PCDHGB1: variants seen among roughly 807,000 people sequenced by gnomAD.
PCDHGB1 encodes the protein protocadherin gamma subfamily B, 1.
PCDHGB1 carries 34 observed loss-of-function variants against 56.6 expected under a neutral mutation model. That is an observed-to-expected ratio of 0.60 (90% CI 0.46 to 0.80). The LOEUF is 0.80. PCDHGB1 is among the 30% of genes least tolerant of loss of function. The probability of loss-of-function intolerance (pLI) is 0.00; values close to 1 mark genes in which losing one functional copy is unlikely to be tolerated. For synonymous variants in PCDHGB1, 561 were observed against 505.9 expected, an observed-to-expected ratio of 1.11 and a Z score of -1.46; for missense variants, 1,278 against 1,204.6, an observed-to-expected ratio of 1.06 and a Z score of -0.90.
chr5:141,495,010 G>A (rs1327870362), intron 2 of PCDHGB1, 145 bp downstream of exon 2: 6 of 1,516,970 alleles, frequency 4.0e-6, no homozygotes, highest in Non-Finnish European at 5.3e-6. Context: ...GTGTGCGGGG[G>A]GCTGGCACAC....
intron 1 of PCDHGB1, chr5:141,413,903 C>T (rs1038159413): frequency 2.5e-6 from 4 of 1,613,308 alleles, no homozygotes; most frequent in Non-Finnish European, 3.4e-6. Flanking sequence ...AATGACAACG[C>T]GCCGGTCTTC....
chr5:141,450,948 C>T (rs1250110393), intron 1 of PCDHGB1, among the ~76,000 whole-genome samples: 2 of 151,870 alleles, frequency 1.3e-5, no homozygotes, highest in East Asian at 3.9e-4. Flanking sequence ...CCTCAGCCTC[C>T]CAAGTAGCTG....
rs1771007417 is a variant in PCDHGB1, at chr5:141,374,980, A to G, written c.2409+22311A>G. ...TTTTCTGTTTGAATGTTTTGACTGG[A>G]GAAATTTCAACTTCTGCAAATCTAG... On this transcript the variant is annotated intron_variant, in intron 1 of 3. Transcript: ENST00000523390. 3 of 1,613,920 alleles carry G rather than the reference A, an allele frequency of 1.9e-6. No homozygotes were observed. The Admixed American group carries it at 5.0e-5, about 27-fold the overall frequency.
chr5:141,369,893 A>T (rs956763780), intron 1 of PCDHGB1, among the ~76,000 whole-genome samples: 1 of 152,230 alleles, frequency 6.6e-6, no homozygotes, highest in Non-Finnish European at 1.5e-5. Context: ...AGATATTATT[A>T]TGACCATTTT....
rs774079222 is a variant in PCDHGB1, at chr5:141,491,314, C to G, written c.2410-3493C>G. On this transcript the variant is annotated intron_variant, in intron 1 of 3. Transcript: ENST00000523390. The surrounding 1 kb of genome is among the most constrained non-coding windows in gnomAD (Gnocchi z 6.9). ...CCCTCCTGAGCGTTCAGACCTTACC[C>G]TTTACCTCATTGTGGCTCTAGCGAC... is the stretch of plus-strand genomic sequence containing the variant. 6 of 1,614,064 alleles carry G rather than the reference C, an allele frequency of 3.7e-6. No individual in the cohort carries two copies. In the South Asian group the frequency reaches 5.5e-5, roughly 15 times the overall value.
chr5:141,410,329 G>A, intron 1 of PCDHGB1: 4 of 1,613,982 alleles, frequency 2.5e-6, no homozygotes, highest in Non-Finnish European at 3.4e-6. Flanking sequence ...CCGTGATTCT[G>A]GCCATTGCCT....
chr5:141,418,781 G>C, intron 1 of PCDHGB1: 1 of 1,613,716 alleles, frequency 6.2e-7, no homozygotes, highest in African/African-American at 1.3e-5. Context: ...GCAGCCTTTG[G>C]ATTTTGAAGA....
Position 141,512,423 on chromosome 5 carries a change from T to C in PCDHGB1, c.*1250T>C, listed in dbSNP as rs2099884220. ...GATGGGGCTTCTTCAACAGGGCCCC[T>C]GCCCTCCTGAAGCCTCAGTCCTTCA... is the stretch of plus-strand genomic sequence containing the variant. On this transcript the variant is annotated 3_prime_UTR_variant, in exon 4 of 4. Transcript: ENST00000523390. 1 of 152,754 alleles carries C rather than the reference T, an allele frequency of 6.5e-6. No individual in the cohort carries two copies. The highest frequency in any genetic ancestry group is 6.5e-5 in the Admixed American group (1 of 15,274). The allele number at this position is 152,754 out of a possible 1,614,324, so 9.5% of individuals were successfully genotyped here.
chr5:141,499,881 T>A (rs2099795027), intron 2 of PCDHGB1, among the ~76,000 whole-genome samples: 1 of 152,082 alleles, frequency 6.6e-6, no homozygotes, highest in African/African-American at 2.4e-5. Flanking sequence ...ACAAACAGGG[T>A]TTCGCCATGT....
intron 1 of PCDHGB1, chr5:141,367,354 C>A (rs991967780): frequency 2.6e-5 from 4 of 151,972 alleles, no homozygotes; most frequent in African/African-American, 9.7e-5. Flanking sequence ...CTGGCTAACA[C>A]GGTGAAACCC....
intron 1 of PCDHGB1, among the ~76,000 whole-genome samples, chr5:141,406,795 C>G (rs1277584347): frequency 6.6e-6 from 1 of 152,204 alleles, no homozygotes; most frequent in African/African-American, 2.4e-5. Context: ...TTATTTCTGG[C>G]TCAATTCTCC....
chr5:141,360,903 G>C (rs752031820), intron 1 of PCDHGB1: 2 of 1,614,034 alleles, frequency 1.2e-6, no homozygotes, highest in East Asian at 4.5e-5. Context: ...AGGACGTGCC[G>C]CCGGGCTTCT....
intron 1 of PCDHGB1, chr5:141,360,665 A>T (rs758728447): frequency 6.2e-7 from 1 of 1,614,024 alleles, no homozygotes; most frequent in Non-Finnish European, 8.5e-7. Context: ...GACAACGAGT[A>T]CTTTGATCTC....
Position 141,374,832 on chromosome 5 carries a change from G to A in PCDHGB1, c.2409+22163G>A, listed in dbSNP as rs776699327. On this transcript the variant is annotated intron_variant, in intron 1 of 3. Transcript: ENST00000523390. ...TTTACTCAGCCTGTCTACCGTGTAA[G>A]TGTTCCTGAAAACCTGCCAGTAGGC... 3.1e-6 allele frequency: 5 copies of A among 1,613,908 alleles called. 1 individual carries two copies. The South Asian group carries it at 5.5e-5, about 18-fold the overall frequency.
intron 1 of PCDHGB1, chr5:141,404,513 G>A: frequency 1.2e-6 from 2 of 1,613,786 alleles, no homozygotes; most frequent in Non-Finnish European, 1.7e-6. Context: ...GTGCTCCTTT[G>A]ACTATGAGCA....
intron 1 of PCDHGB1, chr5:141,371,951 C>T: frequency 6.2e-7 from 1 of 1,613,306 alleles, no homozygotes; most frequent in Non-Finnish European, 8.5e-7. Context: ...CGCAGCGAGC[C>T]TTCGACCACG....
At chr5:141,497,691 C>T (rs2099778682) in intron 2 of PCDHGB1, among the ~76,000 whole-genome samples, 1 of 152,066 alleles carries the variant, frequency 6.6e-6, no homozygotes, top group African/African-American at 2.4e-5. Flanking sequence ...AGGTGTGCAC[C>T]ACCACACCCA....
rs995541250 is a variant in PCDHGB1 at position 141,351,944 on chromosome 5, G to A, written c.1684G>A (p.Ala562Thr). ...NDNAPRVLYPALGPDGSALFD... is the reference protein window; with the variant it reads ...NDNAPRVLYPTLGPDGSALFD... ...CAATGCGCCACGGGTGCTGTACCCC[G>A]CGCTGGGGCCTGATGGCTCCGCCCT... is the stretch of plus-strand genomic sequence containing the variant. The change falls in exon 1 of 4, where the codon GCG (alanine) becomes ACG (threonine). Residue 562 changes from alanine (A) to threonine (T), a missense_variant. By Grantham distance (58) the Ala-to-Thr change is moderately conservative. Coordinates refer to ENST00000523390, the MANE Select transcript of PCDHGB1 (RefSeq NM_018922.3). 1 of 1,613,158 alleles carries A rather than the reference G, an allele frequency of 6.2e-7. No homozygotes were observed. Among genetic ancestry groups the A allele is most frequent in the South Asian group, 1.1e-5 (1 of 91,064 alleles).
At chr5:141,409,435 C>T in intron 1 of PCDHGB1, 2 of 1,613,994 alleles carry the variant, frequency 1.2e-6, no homozygotes, top group Non-Finnish European at 1.7e-6. Context: ...GAGCCCTGGA[C>T]CGAGAGCAGA....
Sources: allele counts gnomAD v4.1 joint callset (sites outside exome capture counted in the v4.1 genomes callset), GRCh38; gene constraint gnomAD v4.1.1; non-coding constraint Gnocchi (gnomAD v3.1); transcripts MANE v1.5; gene names NCBI Gene and HGNC (gene_info 2026-07-23, HGNC 2026-07-21).